Variants in KIF13B observed in about 807,000 individuals in gnomAD.
The protein encoded by KIF13B is kinesin family member 13B, also known as kinesin-like protein KIF13B.
KIF13B carries 127 observed loss-of-function variants against 222.0 expected under a neutral mutation model. The ratio of observed to expected loss-of-function variants is 0.57; its 90% confidence interval spans 0.50 to 0.66. The LOEUF (loss-of-function observed/expected upper bound fraction) is 0.66, where lower values mean the gene tolerates loss of function less well. KIF13B is among the 30% of genes least tolerant of loss of function. The probability of loss-of-function intolerance (pLI) is 0.00; values close to 1 mark genes in which losing one functional copy is unlikely to be tolerated. For synonymous variants in KIF13B, 976 were observed against 919.0 expected (o/e 1.06, Z -1.12); for missense variants, 2,173 against 2,379.0 (o/e 0.91, Z 1.80).
At chr8:29,161,311 G>A (rs552457874) in intron 12 of KIF13B, among the ~76,000 whole-genome samples, 1 of 152,140 alleles carries the variant, frequency 6.6e-6, no homozygotes, top group Non-Finnish European at 1.5e-5. Flanking sequence ...GGATCACAAG[G>A]CCCTTCAACC....
rs966187085 is a variant in KIF13B at position 29,205,965 on chromosome 8, C to T, written c.150-9766G>A. Among the ~76,000 whole-genome samples the T allele has an allele frequency of 2.6e-5, 4 of 151,166 alleles. No individual in the cohort carries two copies. The South Asian group carries it at 8.3e-4, about 31-fold the overall frequency. On this transcript the variant is annotated intron_variant, in intron 2 of 39. Transcript: ENST00000524189. ...ACTCAGTAGGGAATAGTGGCATGCA[C>T]TTGTGGTCCTCAATACTTGGGAGGC...
chr8:29,184,595 G>C (rs1812851470), intron 6 of KIF13B, among the ~76,000 whole-genome samples: 2 of 152,158 alleles, frequency 1.3e-5, no homozygotes. Context: ...AAGCTCTTCA[G>C]AATTCACTGT....
intron 35 of KIF13B, among the ~76,000 whole-genome samples, chr8:29,102,468 C>A (rs1182518353): frequency 6.6e-6 from 1 of 152,200 alleles, no homozygotes; most frequent in Admixed American, 6.5e-5. Flanking sequence ...CTAGTCGATA[C>A]TGAAGTCACT....
chr8:29,092,479 G>A (rs951972253), intron 37 of KIF13B, among the ~76,000 whole-genome samples: 1 of 152,168 alleles, frequency 6.6e-6, no homozygotes, highest in Non-Finnish European at 1.5e-5. Flanking sequence ...TTTTACTACC[G>A]CTGCTCTAAG....
intron 35 of KIF13B, among the ~76,000 whole-genome samples, chr8:29,103,149 G>A (rs1808875509): frequency 6.6e-6 from 1 of 151,634 alleles, no homozygotes; most frequent in Non-Finnish European, 1.5e-5. Context: ...GGCTGAGGCA[G>A]GAGAACGGCT....
intron 2 of KIF13B, among the ~76,000 whole-genome samples, chr8:29,228,860 T>C (rs1815158803): frequency 1.3e-5 from 2 of 152,106 alleles, no homozygotes; most frequent in South Asian, 4.1e-4. Context: ...AGGTTGTTAA[T>C]ATCTTGTTAC....
chr8:29,140,534 G>A lies in KIF13B; in HGVS notation c.2418C>T (p.Phe806=). 1 of 1,613,836 alleles carries A rather than the reference G, an allele frequency of 6.2e-7. No homozygotes were observed. The highest frequency in any genetic ancestry group is 8.5e-7 in the Non-Finnish European group (1 of 1,179,776). ...TCACATCATAGAAAAGTGACTCGAG[G>A]AAGACATTGGCCACCCCAATGAGAC... ...NHSLIGVANV[F]LESLFYDVKL... The change falls in exon 20 of 40, where the codon TTC becomes TTT. Residue 806 remains phenylalanine (F), a synonymous_variant. Coordinates refer to ENST00000524189, the MANE Select transcript of KIF13B (RefSeq NM_015254.4).
intron 29 of KIF13B, among the ~76,000 whole-genome samples, chr8:29,119,310 C>T (rs1031741082): frequency 2.0e-5 from 3 of 152,202 alleles, no homozygotes; most frequent in Non-Finnish European, 4.4e-5. Context: ...ACACAAATTC[C>T]GTACCATTTA....
chr8:29,148,561 C>T lies in KIF13B; in HGVS notation c.1813+16G>A, dbSNP rs778997255. 213 of 1,560,826 alleles carry T rather than the reference C, an allele frequency of 1.4e-4. No homozygotes were observed. The highest frequency in any genetic ancestry group is 2.3e-4 in the East Asian group (10 of 43,406). On this transcript the variant is annotated intron_variant, in intron 16 of 39. Transcript: ENST00000524189. ...CAACTGGAACTGATTCTCAAGTGCA[C>T]GCCCGACTTGCTCACCATTGCTGCC...
intron 13 of KIF13B, among the ~76,000 whole-genome samples, chr8:29,156,537 CAG>C (rs376971191): frequency 0.01 from 1,595 of 151,968 alleles, 16 homozygotes; most frequent in Non-Finnish European, 0.015. Flanking sequence ...ATTTTTGAGA[CAG>C]GGTCTTTTTC....
chr8:29,115,723 A>G (rs1468425702), intron 31 of KIF13B, among the ~76,000 whole-genome samples: 4 of 152,160 alleles, frequency 2.6e-5, no homozygotes, highest in Non-Finnish European at 4.4e-5. Flanking sequence ...GCTCCTTGGC[A>G]CAGGCAGGAC....
chr8:29,171,749 T>G (rs1217551790), intron 10 of KIF13B, among the ~76,000 whole-genome samples: 1 of 150,664 alleles, frequency 6.6e-6, no homozygotes, highest in African/African-American at 2.4e-5. Flanking sequence ...TCATATAATT[T>G]TTTTTTCTTC....
intron 2 of KIF13B, among the ~76,000 whole-genome samples, chr8:29,236,138 T>C (rs1180741136): frequency 6.6e-6 from 1 of 152,182 alleles, no homozygotes; most frequent in African/African-American, 2.4e-5. Context: ...AAAGACTTGA[T>C]GAGATAATTG....
intron 5 of KIF13B, 40 bp downstream of exon 5, chr8:29,188,475 T>C (rs1459855748): frequency 1.7e-5 from 21 of 1,220,618 alleles, no homozygotes; most frequent in East Asian, 7.0e-5. Context: ...TTTTCTTTCA[T>C]TGATGGTTGT....
chr8:29,251,854 T>C (rs999217999), intron 1 of KIF13B, among the ~76,000 whole-genome samples: 6 of 152,150 alleles, frequency 3.9e-5, no homozygotes, highest in African/African-American at 1.4e-4. Context: ...AAGCCTAAAA[T>C]AACAAGATAA....
At chr8:29,135,024 T>C (rs151053693) in intron 21 of KIF13B, among the ~76,000 whole-genome samples, 67 of 152,252 alleles carry the variant, frequency 4.4e-4, no homozygotes, top group African/African-American at 1.6e-3. Context: ...ATATTCTTAA[T>C]ATTTCTTTTG....
intron 8 of KIF13B, among the ~76,000 whole-genome samples, chr8:29,179,556 C>G (rs566108773): frequency 1.3e-5 from 2 of 152,194 alleles, no homozygotes; most frequent in Non-Finnish European, 2.9e-5. Context: ...GAAGCTTAAA[C>G]CCACATTTCT....
intron 34 of KIF13B, among the ~76,000 whole-genome samples, chr8:29,108,754 C>T (rs1333046281): frequency 6.6e-6 from 1 of 152,216 alleles, no homozygotes; most frequent in East Asian, 1.9e-4. Context: ...TCTCTTCTCT[C>T]TCAGACACTA....
At chr8:29,186,736 A>G (rs1438268755) in intron 5 of KIF13B, among the ~76,000 whole-genome samples, 2 of 152,026 alleles carry the variant, frequency 1.3e-5, no homozygotes, top group Non-Finnish European at 2.9e-5. Context: ...AGGTGGGCAG[A>G]TTGCCTGAGC....
Sources: allele counts gnomAD v4.1 joint callset (sites outside exome capture counted in the v4.1 genomes callset), GRCh38; gene constraint gnomAD v4.1.1; transcripts MANE v1.5; gene names NCBI Gene and HGNC (gene_info 2026-07-23, HGNC 2026-07-21).